Variants in C12orf42 observed in about 807,000 individuals in gnomAD.
The protein encoded by C12orf42 is uncharacterized protein C12orf42.
A neutral mutation model predicts 21.6 loss-of-function variants in C12orf42; 25 were observed. That is an observed-to-expected ratio of 1.16 (90% confidence interval 0.84 to 1.62). The LOEUF is 1.62. C12orf42 is among the 40% of genes most tolerant of loss of function. The pLI is 0.00. For missense variants in C12orf42, 483 were observed against 459.3 expected, an observed-to-expected ratio of 1.05 and a Z score of -0.47; for synonymous variants, 174 against 175.0, an observed-to-expected ratio of 0.99 and a Z score of 0.05.
the C12orf42 span, among the ~76,000 whole-genome samples, chr12:103,554,085 A>C: frequency 6.6e-6 from 1 of 152,186 alleles, no homozygotes. Context: ...CAGAGAGGAA[A>C]GTTTTGACTT....
the C12orf42 span, among the ~76,000 whole-genome samples, chr12:103,177,354 C>G: frequency 1.3e-5 from 2 of 152,222 alleles, no homozygotes; most frequent in East Asian, 3.9e-4. Context: ...TATGTAAAGG[C>G]CTTTGACCAA....
intron 3 of C12orf42, among the ~76,000 whole-genome samples, chr12:103,397,425 A>T (rs2047628255): frequency 3.9e-5 from 6 of 152,196 alleles, no homozygotes; most frequent in Admixed American, 1.3e-4. Context: ...TGCCTCCTGT[A>T]AGATCAGTGG....
At chr12:103,133,013 G>T in the C12orf42 span, among the ~76,000 whole-genome samples, 2 of 152,180 alleles carry the variant, frequency 1.3e-5, no homozygotes, top group Non-Finnish European at 2.9e-5. Flanking sequence ...CTCAGGACAG[G>T]TCTGACTGGG....
Position 103,470,904 on chromosome 12 carries a change from G to A in C12orf42, c.78+7445C>T, listed in dbSNP as rs1353533140. ...ATCATTCCAGTCCCCAGCCATCTGA[G>A]TCAACTTCAGCCTTTGTGTCTGCCC... On this transcript the variant is annotated intron_variant, in intron 2 of 5. Transcript: ENST00000548883. 2.0e-5 allele frequency among the ~76,000 whole-genome samples: 3 copies of A among 152,184 alleles called. No homozygotes were observed. The East Asian group carries it at 5.8e-4, about 29-fold the overall frequency.
the C12orf42 span, among the ~76,000 whole-genome samples, chr12:103,186,884 A>G: frequency 7.2e-5 from 11 of 152,174 alleles, no homozygotes; most frequent in Admixed American, 7.2e-4. Flanking sequence ...AGAGAAATGT[A>G]GCTGAGAACC....
the C12orf42 span, among the ~76,000 whole-genome samples, chr12:103,070,790 A>G: frequency 1.3e-5 from 2 of 152,158 alleles, no homozygotes; most frequent in Admixed American, 6.6e-5. Context: ...TAGTCTTGCT[A>G]TGATTTTCTT....
the C12orf42 span, among the ~76,000 whole-genome samples, chr12:103,509,298 T>C: frequency 6.6e-6 from 1 of 152,154 alleles, no homozygotes; most frequent in Non-Finnish European, 1.5e-5. Context: ...AATGTCTCCC[T>C]CCTTCTGCAT....
the C12orf42 span, among the ~76,000 whole-genome samples, chr12:103,121,941 G>T: frequency 2.0e-5 from 3 of 152,174 alleles, no homozygotes; most frequent in African/African-American, 4.8e-5. Flanking sequence ...TTTTTCTTAT[G>T]TGAAAAATTG....
intron 10 of C12orf42, among the ~76,000 whole-genome samples, chr12:103,240,677 C>A (rs1395095136): frequency 6.6e-6 from 1 of 152,118 alleles, no homozygotes; most frequent in Non-Finnish European, 1.5e-5. Context: ...AAAATTCACT[C>A]CAATATTATA....
chr12:103,217,085 T>TCC, the C12orf42 span, among the ~76,000 whole-genome samples: 1 of 151,524 alleles, frequency 6.6e-6, no homozygotes, highest in South Asian at 2.1e-4. Flanking sequence ...TCAAGTGATC[T>TCC]CCCCGCCTCG....
At chr12:103,180,226 T>TCACAAA in the C12orf42 span, among the ~76,000 whole-genome samples, 1 of 151,718 alleles carries the variant, frequency 6.6e-6, no homozygotes, top group Admixed American at 6.6e-5. Flanking sequence ...CTTCAAAGGG[T>TCACAAA]CACAAACACA....
the C12orf42 span, among the ~76,000 whole-genome samples, chr12:103,069,913 T>C: frequency 0.011 from 1,614 of 152,320 alleles, 11 homozygotes; most frequent in South Asian, 0.019. Context: ...TAGGGACTTA[T>C]CAGACTCAAG....
the C12orf42 span, among the ~76,000 whole-genome samples, chr12:103,118,772 TAAAAAAAAAA>T: frequency 4.8e-5 from 2 of 41,640 alleles, no homozygotes; most frequent in East Asian, 8.8e-4. Flanking sequence ...CACTCCAGCC[TAAAAAAAAAA>T]AAAAAAAAAA....
At chr12:103,100,010 C>T in the C12orf42 span, among the ~76,000 whole-genome samples, 7 of 152,150 alleles carry the variant, frequency 4.6e-5, no homozygotes, top group Non-Finnish European at 1.0e-4. Flanking sequence ...CCCAAGCTTG[C>T]CACACCTGCA....
chr12:103,472,133 C>T (rs1157992672), intron 2 of C12orf42: 1 of 136,066 alleles, frequency 7.3e-6, no homozygotes, highest in Non-Finnish European at 1.5e-5. Context: ...CGGCTCACTG[C>T]AAGCTCCGCC....
intron 2 of C12orf42, among the ~76,000 whole-genome samples, chr12:103,475,134 C>G (rs1165341470): frequency 6.6e-6 from 1 of 152,208 alleles, no homozygotes; most frequent in African/African-American, 2.4e-5. Context: ...ATTGAGAAGA[C>G]AATTGTTTTC....
At chr12:103,270,058 T>C (rs1033538148) in intron 5 of C12orf42, 1 of 152,044 alleles carries the variant, frequency 6.6e-6, no homozygotes, top group African/African-American at 2.4e-5. Context: ...ACTAATGAGT[T>C]TGGAATTTAT....
At chr12:103,267,238 G>A (rs1390946346), downstream of C12orf42, among the ~76,000 whole-genome samples, 4 of 152,028 alleles carry the variant, frequency 2.6e-5, no homozygotes, top group South Asian at 2.1e-4. Flanking sequence ...CACTGTGCCC[G>A]GAATTGAGGG....
the C12orf42 span, among the ~76,000 whole-genome samples, chr12:103,169,102 A>G: frequency 3.9e-5 from 6 of 151,990 alleles, no homozygotes; most frequent in Admixed American, 1.3e-4. Flanking sequence ...TGGCATGTGT[A>G]TACCTATGTA....
Sources: allele counts gnomAD v4.1 joint callset (sites outside exome capture counted in the v4.1 genomes callset), GRCh38; gene constraint gnomAD v4.1.1; transcripts MANE v1.5; gene names NCBI Gene and HGNC (gene_info 2026-07-23, HGNC 2026-07-21).